Variants in MAST4 observed in about 807,000 individuals in gnomAD.
MAST4 encodes the protein microtubule associated serine/threonine kinase family member 4.
Under a neutral mutation model 162.7 loss-of-function variants are expected in MAST4, and 89 were observed. The observed-to-expected ratio is 0.55, with a 90% CI of 0.46 to 0.65. The LOEUF is 0.65. Among genes scored for constraint, MAST4 ranks in the 30% least tolerant of loss-of-function variants. The pLI, the probability that MAST4 is intolerant of heterozygous loss-of-function variation, is 0.00. For missense variants in MAST4, 3,153 were observed against 3,374.0 expected, an observed-to-expected ratio of 0.93 and a Z score of 1.62; for synonymous variants, 1,479 against 1,361.1, an observed-to-expected ratio of 1.09 and a Z score of -1.91.
At chr5:66,746,053 A>T (rs571674185) in intron 1 of MAST4, among the ~76,000 whole-genome samples, 1 of 152,334 alleles carries the variant, frequency 6.6e-6, no homozygotes, top group South Asian at 2.1e-4. Context: ...AAATCTGGGC[A>T]GTTCATTTGA....
At chr5:66,890,153 A>G (rs1279233600) in intron 3 of MAST4, among the ~76,000 whole-genome samples, 1 of 152,216 alleles carries the variant, frequency 6.6e-6, no homozygotes, top group Non-Finnish European at 1.5e-5. Flanking sequence ...TTTGAGAACA[A>G]AGTGAGCACA....
chr5:66,597,045 C>A, intron 1 of MAST4, 27 bp downstream of exon 1: 1 of 1,402,876 alleles, frequency 7.1e-7, no homozygotes, highest in East Asian at 3.0e-5. Context: ...CTTGCCCACT[C>A]TGGGTTCCGG....
At chr5:66,791,365 A>G (rs935919237) in intron 3 of MAST4, among the ~76,000 whole-genome samples, 1 of 152,260 alleles carries the variant, frequency 6.6e-6, no homozygotes, top group Admixed American at 6.5e-5. Flanking sequence ...TAACAGTCAC[A>G]TACCAAGAAA....
At chr5:66,856,878 G>A (rs193233969) in intron 3 of MAST4, among the ~76,000 whole-genome samples, 8 of 152,316 alleles carry the variant, frequency 5.3e-5, no homozygotes, top group African/African-American at 1.9e-4. Context: ...ATTTGAAAAG[G>A]TTGTGAAATG....
At chr5:66,879,061 C>T (rs551161397) in intron 3 of MAST4, among the ~76,000 whole-genome samples, 7 of 152,264 alleles carry the variant, frequency 4.6e-5, no homozygotes, top group African/African-American at 1.4e-4. Flanking sequence ...TGGCAGATCA[C>T]GAGGTCAGGA....
intron 19 of MAST4, among the ~76,000 whole-genome samples, chr5:67,139,710 A>G (rs553169750): frequency 4.5e-4 from 68 of 152,344 alleles, no homozygotes; most frequent in Admixed American, 7.8e-4. Context: ...TTACAATGAG[A>G]ACTATCATTT....
chr5:66,696,852 C>T (rs1749437410), intron 1 of MAST4, among the ~76,000 whole-genome samples: 1 of 152,172 alleles, frequency 6.6e-6, no homozygotes, highest in African/African-American at 2.4e-5. Context: ...GTTATTGCAT[C>T]CTTCTGCCAC....
chr5:66,970,189 C>A (rs1228542336), intron 4 of MAST4, among the ~76,000 whole-genome samples: 1 of 152,106 alleles, frequency 6.6e-6, no homozygotes, highest in Non-Finnish European at 1.5e-5. Context: ...TCCCTCCACC[C>A]TACCCTTGCT....
intron 6 of MAST4, among the ~76,000 whole-genome samples, chr5:67,093,170 T>C (rs1764053034): frequency 1.3e-5 from 2 of 152,202 alleles, no homozygotes; most frequent in South Asian, 2.1e-4. Flanking sequence ...AGGGTTGTTA[T>C]TTTTTTGCTG....
At chr5:66,747,558 AC>A (rs775131023) in intron 1 of MAST4, among the ~76,000 whole-genome samples, 13 of 152,058 alleles carry the variant, frequency 8.5e-5, no homozygotes, top group Non-Finnish European at 1.5e-4. Context: ...TGCTTACCAA[AC>A]CTTTGGTGGC....
intron 1 of MAST4, among the ~76,000 whole-genome samples, chr5:66,622,149 T>G (rs1223438264): frequency 6.6e-6 from 1 of 152,210 alleles, no homozygotes; most frequent in Non-Finnish European, 1.5e-5. Context: ...ATTTATAGAT[T>G]TTGACAGCAT....
At chr5:66,783,234 C>T (rs1754958696) in intron 2 of MAST4, 1 of 152,158 alleles carries the variant, frequency 6.6e-6, no homozygotes, top group South Asian at 2.1e-4. Flanking sequence ...AATTTTATTT[C>T]TGCTCACTTT....
chr5:66,787,599 G>A (rs936853008), intron 2 of MAST4, among the ~76,000 whole-genome samples: 11 of 152,296 alleles, frequency 7.2e-5, no homozygotes, highest in African/African-American at 2.6e-4. Context: ...ATGCATGCCT[G>A]AGGGAAAAGC....
chr5:66,863,261 C>T (rs1026180511), intron 3 of MAST4, among the ~76,000 whole-genome samples: 35 of 152,322 alleles, frequency 2.3e-4, no homozygotes, highest in Middle Eastern at 3.4e-3. Flanking sequence ...ACAGCTTCCC[C>T]GCTCAAATTG....
chr5:66,802,756 A>C (rs925347470), intron 3 of MAST4, among the ~76,000 whole-genome samples: 1 of 152,212 alleles, frequency 6.6e-6, no homozygotes, highest in East Asian at 1.9e-4. Flanking sequence ...TCTCTAGGAC[A>C]TGCAATATAC....
chr5:66,911,288 A>G (rs1047704667), intron 4 of MAST4, among the ~76,000 whole-genome samples: 1 of 152,148 alleles, frequency 6.6e-6, no homozygotes, highest in African/African-American at 2.4e-5. Context: ...GAGAGGAAAA[A>G]GTTTTACTGA....
At chr5:66,603,409 C>T (rs1204573365) in intron 1 of MAST4, among the ~76,000 whole-genome samples, 2 of 152,130 alleles carry the variant, frequency 1.3e-5, no homozygotes, top group Non-Finnish European at 2.9e-5. Flanking sequence ...AGTGTGTCAG[C>T]CATGTCCTGG....
chr5:66,627,048 CAT>C (rs35061149), intron 1 of MAST4, among the ~76,000 whole-genome samples: 6,603 of 152,224 alleles, frequency 0.043, 180 homozygotes, highest in Admixed American at 0.1. Context: ...CTAATAAAGA[CAT>C]GTGAGACTGG....
intron 4 of MAST4, among the ~76,000 whole-genome samples, chr5:67,048,127 A>G (rs541416494): frequency 6.6e-6 from 1 of 152,230 alleles, no homozygotes; most frequent in Non-Finnish European, 1.5e-5. Context: ...TCTTTCAAAT[A>G]TAGCCTCTTA....
Sources: gnomAD v4.1 joint callset for allele counts (sites outside exome capture counted in the v4.1 genomes callset) on GRCh38, gnomAD v4.1.1 for gene constraint, MANE v1.5 for transcripts, NCBI Gene and HGNC (gene_info 2026-07-23, HGNC 2026-07-21) for gene names.